The following TRIM9 variants were observed in gnomAD, a reference collection of about 807,000 sequenced individuals.
The protein encoded by TRIM9 is E3 ubiquitin-protein ligase TRIM9.
In TRIM9, 26 loss-of-function variants were observed where a neutral mutation model predicts 78.3. That is an observed-to-expected ratio of 0.33 (90% CI 0.24 to 0.46). TRIM9 has a LOEUF of 0.46. Ranked by LOEUF, TRIM9 falls within the 20% of genes least tolerant of loss-of-function variation. The probability of loss-of-function intolerance (pLI) is 1.00; values close to 1 mark genes in which losing one functional copy is unlikely to be tolerated. For synonymous variants in TRIM9, 398 were observed against 416.5 expected, an observed-to-expected ratio of 0.96 and a Z score of 0.54; for missense variants, 787 against 1,036.4, an observed-to-expected ratio of 0.76 and a Z score of 3.30.
rs186735432 is a variant in TRIM9 at position 51,016,674 on chromosome 14, G to A, written c.1041+6161C>T. ...GCATCTGTGGATTTTGGTATCTGCA[G>A]GGAATCGTGGAATCAATCCCCCACA... is the stretch of plus-strand genomic sequence containing the variant. On this transcript the variant is annotated intron_variant, in intron 3 of 12. Transcript: ENST00000684578. 8.3e-3 allele frequency among the ~76,000 whole-genome samples: 1,256 copies of A among 152,036 alleles called. 9 individuals carry two copies. Among genetic ancestry groups the A allele is most frequent in the Non-Finnish European group, 0.011 (736 of 67,992 alleles).
intron 3 of TRIM9, among the ~76,000 whole-genome samples, chr14:51,016,370 C>A (rs1021404949): frequency 6.6e-6 from 1 of 152,000 alleles, no homozygotes; most frequent in African/African-American, 2.4e-5. Flanking sequence ...CTACTGTGAA[C>A]TGCGCATGCA....
At chr14:51,000,544 C>T in intron 6 of TRIM9, 139 bp downstream of exon 6, 1 of 1,138,134 alleles carries the variant, frequency 8.8e-7, no homozygotes, top group Non-Finnish European at 1.2e-6. Context: ...AAGCAGGCTT[C>T]AGGTGAAGGG....
chr14:51,025,501 G>C, intron 1 of TRIM9, 141 bp from the exon 2 acceptor site: 1 of 675,724 alleles, frequency 1.5e-6, no homozygotes, highest in Admixed American at 2.8e-5. Context: ...CATTTGTACA[G>C]GTAGATTCTG....
rs78975770 is a variant in TRIM9 at position 51,081,308 on chromosome 14, T to C, written c.822+12810A>G. Reference sequence around the variant, plus strand: ...CAAAACCACAAGACTTCACCTCACATCCACTAGAAAGACTATAATAAAAAG... The same window carrying C: ...CAAAACCACAAGACTTCACCTCACACCCACTAGAAAGACTATAATAAAAAG... On this transcript the variant is annotated intron_variant, in intron 1 of 12. Coordinates refer to ENST00000684578, the MANE Select transcript of TRIM9 (RefSeq NM_001387360.1). 1.9e-3 allele frequency among the ~76,000 whole-genome samples: 288 copies of C among 152,214 alleles called. 2 individuals are homozygous for C. The East Asian group carries it at 0.028, about 15-fold the overall frequency.
intron 1 of TRIM9, among the ~76,000 whole-genome samples, chr14:51,085,325 A>G (rs142960676): frequency 6.5e-4 from 99 of 152,370 alleles, no homozygotes; most frequent in Non-Finnish European, 1.0e-3. Flanking sequence ...GCACCAAAGA[A>G]TAATGTTTAG....
At chr14:51,049,951 T>G in intron 1 of TRIM9, among the ~76,000 whole-genome samples, 1 of 151,930 alleles carries the variant, frequency 6.6e-6, no homozygotes, top group Non-Finnish European at 1.5e-5. Context: ...GTTGGGTGCA[T>G]TAAGAGTGGA....
intron 1 of TRIM9, among the ~76,000 whole-genome samples, chr14:51,053,026 G>C (rs1243582436): frequency 6.6e-6 from 1 of 152,002 alleles, no homozygotes; most frequent in Non-Finnish European, 1.5e-5. Flanking sequence ...CAGGTGCGGT[G>C]GTGGGCACCT....
intron 5 of TRIM9, among the ~76,000 whole-genome samples, chr14:51,005,719 G>T (rs1234122447): frequency 6.6e-6 from 1 of 152,094 alleles, no homozygotes; most frequent in Non-Finnish European, 1.5e-5. Context: ...TTCTATAAAA[G>T]AAAAGTCTGA....
chr14:51,048,892 G>C (rs1256147875), intron 1 of TRIM9, among the ~76,000 whole-genome samples: 8 of 151,448 alleles, frequency 5.3e-5, no homozygotes, highest in Non-Finnish European at 1.5e-5. Flanking sequence ...GCTGAGGCAG[G>C]AGAATGGTGT....
intron 1 of TRIM9, among the ~76,000 whole-genome samples, chr14:51,035,138 T>C (rs967260037): frequency 7.9e-5 from 12 of 152,248 alleles, no homozygotes; most frequent in Non-Finnish European, 1.6e-4. Flanking sequence ...ATGTATGAGA[T>C]GTTTCAAAGG....
intron 1 of TRIM9, among the ~76,000 whole-genome samples, chr14:51,035,812 G>C (rs2059096186): frequency 6.6e-6 from 1 of 152,208 alleles, no homozygotes; most frequent in Non-Finnish European, 1.5e-5. Flanking sequence ...TTACACAAAG[G>C]CTTAGCCCAA....
intron 1 of TRIM9, among the ~76,000 whole-genome samples, chr14:51,039,797 A>G (rs1392959003): frequency 6.6e-6 from 1 of 151,700 alleles, no homozygotes; most frequent in Non-Finnish European, 1.5e-5. Flanking sequence ...CCCAGGCTGG[A>G]GTGCAGTGGC....
intron 1 of TRIM9, among the ~76,000 whole-genome samples, chr14:51,052,988 C>T (rs1005611763): frequency 1.3e-5 from 2 of 152,052 alleles, no homozygotes; most frequent in East Asian, 1.9e-4. Context: ...GAAACCCTAC[C>T]TCTATAAAAA....
intron 1 of TRIM9, among the ~76,000 whole-genome samples, chr14:51,084,455 AT>A (rs1302368542): frequency 2.0e-5 from 3 of 152,240 alleles, no homozygotes; most frequent in African/African-American, 7.2e-5. Flanking sequence ...TGTAAACATC[AT>A]TCAGCTTCAT....
intron 7 of TRIM9, 101 bp downstream of exon 7, chr14:50,997,949 A>G: frequency 1.3e-6 from 2 of 1,554,606 alleles, no homozygotes; most frequent in Non-Finnish European, 1.7e-6. Flanking sequence ...TCATGGAAAC[A>G]CTTCAGGAAT....
chr14:50,988,217 A>G (rs1488152835), intron 7 of TRIM9: 1 of 152,272 alleles, frequency 6.6e-6, no homozygotes, highest in Non-Finnish European at 1.5e-5. Flanking sequence ...GAAAGGACAT[A>G]TAAAATAATA....
At chr14:51,008,642 A>T (rs1596158746) in intron 5 of TRIM9, among the ~76,000 whole-genome samples, 2 of 152,242 alleles carry the variant, frequency 1.3e-5, no homozygotes, top group East Asian at 3.9e-4. Context: ...TTGGCAGGCC[A>T]ACTGTGATCC....
At chr14:51,025,244 C>T (rs762076076) in intron 2 of TRIM9, 21 bp downstream of exon 2, 25 of 1,606,842 alleles carry the variant, frequency 1.6e-5, no homozygotes, top group African/African-American at 4.0e-5. Flanking sequence ...GGTTTCCTTG[C>T]GTCCCAGGTA....
chr14:51,017,850 G>T (rs1042161272), intron 3 of TRIM9, among the ~76,000 whole-genome samples: 2 of 152,344 alleles, frequency 1.3e-5, no homozygotes, highest in South Asian at 2.1e-4. Flanking sequence ...AGGAACTCCA[G>T]CTGTGTATGG....
Sources: allele counts gnomAD v4.1 joint callset (sites outside exome capture counted in the v4.1 genomes callset), GRCh38; gene constraint gnomAD v4.1.1; transcripts MANE v1.5; gene names NCBI Gene and HGNC (gene_info 2026-07-23, HGNC 2026-07-21).